RAD50: variants seen among roughly 807,000 people sequenced by gnomAD.
The protein encoded by RAD50 is DNA repair protein RAD50.
A neutral mutation model predicts 168.8 loss-of-function variants in RAD50; 132 were observed. The ratio of observed to expected loss-of-function variants is 0.78; its 90% CI spans 0.68 to 0.90. RAD50 has a LOEUF of 0.90. Among genes scored for constraint, RAD50 ranks in the 40% least tolerant of loss-of-function variants. RAD50 has a pLI of 0.00. For missense variants in RAD50, 1,347 were observed against 1,534.4 expected, an observed-to-expected ratio of 0.88 and a Z score of 2.04; for synonymous variants, 525 against 497.4, an observed-to-expected ratio of 1.06 and a Z score of -0.74.
intron 5 of RAD50, among the ~76,000 whole-genome samples, chr5:132,582,734 G>C (rs1484063540): frequency 6.6e-6 from 1 of 151,486 alleles, no homozygotes; most frequent in Non-Finnish European, 1.5e-5. Context: ...TGATAGCCCA[G>C]CTGCTCTATT....
At chr5:132,619,836 C>CTCTCTCTCTA (rs1257882764) in intron 21 of RAD50, among the ~76,000 whole-genome samples, 3 of 114,412 alleles carry the variant, frequency 2.6e-5, no homozygotes, top group African/African-American at 1.2e-4. Flanking sequence ...CTCTCTCTCT[C>CTCTCTCTCTA]TATATATATA....
At chr5:132,611,165 C>T (rs1036807008) in intron 19 of RAD50, among the ~76,000 whole-genome samples, 3 of 151,976 alleles carry the variant, frequency 2.0e-5, no homozygotes, top group African/African-American at 4.8e-5. Flanking sequence ...CCAAGGCAGA[C>T]GGATCACCTG....
chr5:132,604,884 A>G lies in RAD50; in HGVS notation c.2603A>G (p.Asn868Ser), dbSNP rs758941378. 40 of 1,613,800 alleles carry G rather than the reference A, an allele frequency of 2.5e-5. No homozygotes were observed. In the East Asian group the frequency reaches 7.8e-4, roughly 31 times the overall value. The change falls in exon 16 of 25, where the codon AAT (asparagine) becomes AGT (serine). Residue 868 changes from asparagine (N) to serine (S), a missense_variant. Physicochemically the swap from Asn to Ser is conservative, Grantham distance 46 (BLOSUM62 1). Around this residue, in one of 3 missense-constraint regions of RAD50, gnomAD observed 635 missense variants for 739.2 expected, o/e 0.86. Coordinates refer to ENST00000378823, the MANE Select transcript of RAD50 (RefSeq NM_005732.4). The stretch of plus-strand genomic sequence containing the variant: ...ATTCAACATCTAAAAAGTACAACAA[A>G]TGAGCTAAAATCTGAGAAACTTCAG... ...EQIQHLKSTT[N>S]ELKSEKLQIS...
chr5:132,629,547 T>A (rs1751427819), intron 21 of RAD50, among the ~76,000 whole-genome samples: 2 of 152,186 alleles, frequency 1.3e-5, no homozygotes, highest in African/African-American at 2.4e-5. Flanking sequence ...GATGGATTCT[T>A]CTAAATGAAA....
At chr5:132,604,157 C>T (rs1750939413) in intron 15 of RAD50, 111 bp downstream of exon 15, 1 of 1,329,958 alleles carries the variant, frequency 7.5e-7, no homozygotes, top group Non-Finnish European at 1.1e-6. Context: ...CCTTCCTGTC[C>T]ACATATATTT....
intron 21 of RAD50, among the ~76,000 whole-genome samples, chr5:132,619,639 A>G (rs577469941): frequency 6.6e-6 from 1 of 152,040 alleles, no homozygotes; most frequent in Admixed American, 6.6e-5. Context: ...AGTTATATGT[A>G]TTACAAATGT....
In RAD50 at chr5:132,595,802, GC is replaced by G. The variant is rs786201789; in HGVS notation, c.2202del (p.Met735Ter). 1.2e-5 allele frequency: 19 copies of G among 1,602,478 alleles called. No homozygotes were observed. The Admixed American group carries it at 2.8e-4, about 24-fold the overall frequency. ...GGCGTGATGAAATGCTGGGACTTGT[GC>G]CCATGAGGTAAGAATGGGATTTACC... ...KRRDEMLGLV[P>X]MRQSIIDLKE... is the part of the protein sequence containing the mutation. On this transcript the variant is annotated frameshift_variant, in exon 13 of 25. Coordinates refer to ENST00000378823, the MANE Select transcript of RAD50 (RefSeq NM_005732.4). LOFTEE classifies it high-confidence loss of function.
chr5:132,589,491 T>C, intron 8 of RAD50, 140 bp from the exon 9 acceptor site: 1 of 654,050 alleles, frequency 1.5e-6, no homozygotes, highest in African/African-American at 1.8e-5. Flanking sequence ...AATGATGCAT[T>C]TCTTGGAATA....
In RAD50 at chr5:132,557,080, C is replaced by T. The variant is rs1005790005; in HGVS notation, c.-245C>T. 13 of 664,298 alleles carry T rather than the reference C, an allele frequency of 2.0e-5. No individual in the cohort carries two copies. The Admixed American group carries it at 2.7e-4, about 14-fold the overall frequency. The allele number at this position is 664,298 out of a possible 1,614,324, so 41.2% of individuals were successfully genotyped here. A position where few individuals can be genotyped will look rare whatever the true frequency, so the allele number is the denominator to read the frequency against. On this transcript the variant is annotated 5_prime_UTR_variant, in exon 1 of 25. Transcript: ENST00000378823. ...CCCCGGCGGGCAGCCCCAGGCTGGT[C>T]CCCGCCTCCGCTCTCCCCACCGGCG...
rs534299087 is a variant in RAD50, at chr5:132,589,233, A to T, written c.1245+353A>T. On this transcript the variant is annotated intron_variant, in intron 8 of 24. Transcript: ENST00000378823. ...TGTTTTGGTCAGTGATAGACCACAT[A>T]TTTGACATTGGTCCCATAAAATTAT... 1.8e-3 allele frequency among the ~76,000 whole-genome samples: 267 copies of T among 152,298 alleles called. 1 individual carries two copies. The highest frequency in any genetic ancestry group is 6.2e-3 in the African/African-American group (256 of 41,556).
intron 13 of RAD50, among the ~76,000 whole-genome samples, chr5:132,599,037 A>G (rs1345269913): frequency 2.0e-5 from 3 of 152,154 alleles, no homozygotes; most frequent in East Asian, 3.8e-4. Context: ...ACACATTTGT[A>G]TATTCTATAT....
chr5:132,564,106 G>A (rs1247340537), intron 2 of RAD50, among the ~76,000 whole-genome samples: 1 of 152,196 alleles, frequency 6.6e-6, no homozygotes, highest in African/African-American at 2.4e-5. Context: ...AATGCAGAAA[G>A]TTGGTACCGA....
intron 21 of RAD50, among the ~76,000 whole-genome samples, chr5:132,618,906 T>G (rs1164382561): frequency 6.6e-6 from 1 of 152,214 alleles, no homozygotes; most frequent in Non-Finnish European, 1.5e-5. Context: ...TCATCCCCAT[T>G]CCCTATAACC....
chr5:132,557,257 C>T lies in RAD50; in HGVS notation c.-68C>T. ...CGCGGGTCTCACGTCCCGTGCACGC[C>T]TTGCTTCGGCCTCAGTTAAGCCTTT... On this transcript the variant is annotated 5_prime_UTR_variant, in exon 1 of 25. Coordinates refer to ENST00000378823, the MANE Select transcript of RAD50 (RefSeq NM_005732.4). The T allele has an allele frequency of 6.3e-7, 1 of 1,584,650 alleles. No individual in the cohort carries two copies.
At chr5:132,557,494 A>ATT (rs1750025304) in intron 1 of RAD50, 41 bp downstream of exon 1, 1 of 1,612,300 alleles carries the variant, frequency 6.2e-7, no homozygotes, top group African/African-American at 1.3e-5. Flanking sequence ...AGGTCGCTAC[A>ATT]TCTTTCGGAG....
intron 11 of RAD50, chr5:132,592,965 G>A (rs1236547013): frequency 2.2e-6 from 1 of 446,330 alleles, no homozygotes; most frequent in Non-Finnish European, 4.7e-6. Flanking sequence ...AATCAATTGA[G>A]GTGTCTATGG....
At chr5:132,558,053 A>G (rs1580975145) in intron 1 of RAD50, among the ~76,000 whole-genome samples, 2 of 152,182 alleles carry the variant, frequency 1.3e-5, no homozygotes, top group Admixed American at 1.3e-4. Flanking sequence ...ATTTGAATGG[A>G]AAGAATAACC....
intron 13 of RAD50, among the ~76,000 whole-genome samples, chr5:132,601,340 G>A (rs1394170212): frequency 6.6e-6 from 1 of 152,144 alleles, no homozygotes; most frequent in Admixed American, 6.6e-5. Context: ...CAAAAAAGAA[G>A]GCACCAAAAC....
chr5:132,627,112 C>T (rs1751385536), intron 21 of RAD50, among the ~76,000 whole-genome samples: 2 of 152,132 alleles, frequency 1.3e-5, no homozygotes, highest in Non-Finnish European at 2.9e-5. Flanking sequence ...AACTCCTGGC[C>T]TCAAGTGATC....
Sources: allele counts gnomAD v4.1 joint callset (sites outside exome capture counted in the v4.1 genomes callset), GRCh38; gene constraint gnomAD v4.1.1; regional missense constraint gnomAD v4.1.1; transcripts MANE v1.5; gene names NCBI Gene and HGNC (gene_info 2026-07-23, HGNC 2026-07-21).